The following RASEF variants were observed in gnomAD, a reference collection of about 807,000 sequenced individuals.
The protein encoded by RASEF is ras and EF-hand domain-containing protein.
A neutral mutation model predicts 90.1 loss-of-function variants in RASEF; 68 were observed. The ratio of observed to expected loss-of-function variants is 0.75; its 90% CI spans 0.62 to 0.92. RASEF has a LOEUF of 0.92. Ranked by LOEUF, RASEF falls within the 40% of genes least tolerant of loss-of-function variation. The pLI, the probability that RASEF is intolerant of heterozygous loss-of-function variation, is 0.00. For synonymous variants in RASEF, 331 were observed against 345.2 expected (o/e 0.96, Z 0.46); for missense variants, 949 against 937.2 (o/e 1.01, Z -0.16).
At chr9:83,039,272 TG>T (rs1829796372) in intron 1 of RASEF, among the ~76,000 whole-genome samples, 1 of 152,158 alleles carries the variant, frequency 6.6e-6, no homozygotes, top group African/African-American at 2.4e-5. Context: ...ATCTGAGTTC[TG>T]TGTATTGAGT....
chr9:83,054,529 C>T (rs1830068450), intron 1 of RASEF: 1 of 144,782 alleles, frequency 6.9e-6, no homozygotes, highest in South Asian at 2.2e-4. Context: ...TCGTCTGAAG[C>T]CTTCTTCTCT....
the RASEF span, among the ~76,000 whole-genome samples, chr9:83,151,953 G>A: frequency 7.5e-4 from 114 of 152,276 alleles, no homozygotes; most frequent in African/African-American, 2.7e-3. Context: ...CCCAAAACAC[G>A]GCGTCGCAAA....
In RASEF at chr9:83,062,902, G is replaced by A. The variant is rs1401535545; in HGVS notation, c.-35C>T. 1.4e-6 allele frequency: 2 copies of A among 1,405,952 alleles called. No homozygotes were observed. Among genetic ancestry groups the A allele is most frequent in the Non-Finnish European group, 1.8e-6 (2 of 1,092,630 alleles). The allele number at this position is 1,405,952 out of a possible 1,614,324, so 87.1% of individuals were successfully genotyped here. ...CGGGGGCGGCCGAGAGGGCTCCGGA[G>A]CGCCGCGGGGCGCAGGGCCCTCCCT... On this transcript the variant is annotated 5_prime_UTR_variant, in exon 1 of 17. Coordinates refer to ENST00000376447, the MANE Select transcript of RASEF (RefSeq NM_152573.4).
chr9:83,057,838 CATATAT>C (rs1830127620), intron 1 of RASEF, among the ~76,000 whole-genome samples: 1 of 84,206 alleles, frequency 1.2e-5, no homozygotes, highest in Non-Finnish European at 2.3e-5. Flanking sequence ...TACATATATT[CATATAT>C]ACATATATAT....
chr9:83,198,830 GA>G, the RASEF span, among the ~76,000 whole-genome samples: 120,710 of 150,784 alleles, frequency 0.8, 48,626 homozygotes, highest in East Asian at 0.96. Context: ...GTTATAAATA[GA>G]ATGGGGGGGA....
At chr9:83,206,973 C>T in the RASEF span, among the ~76,000 whole-genome samples, 2 of 152,118 alleles carry the variant, frequency 1.3e-5, no homozygotes, top group African/African-American at 4.8e-5. Flanking sequence ...TTCAGACCTG[C>T]CTTTCCCTCC....
chr9:83,127,116 C>T, the RASEF span, among the ~76,000 whole-genome samples: 1 of 152,150 alleles, frequency 6.6e-6, no homozygotes, highest in East Asian at 1.9e-4. Flanking sequence ...AATATATGGG[C>T]ATCTTTAATG....
chr9:83,015,247 G>A (rs1315317307), intron 4 of RASEF, among the ~76,000 whole-genome samples: 2 of 152,216 alleles, frequency 1.3e-5, no homozygotes, highest in African/African-American at 4.8e-5. Flanking sequence ...CAAGGGACTT[G>A]AGAGTACTAA....
the RASEF span, among the ~76,000 whole-genome samples, chr9:83,200,150 G>C: frequency 6.6e-6 from 1 of 152,150 alleles, no homozygotes; most frequent in East Asian, 1.9e-4. Context: ...GGAGGCCAAG[G>C]CTGGTGTGTT....
chr9:83,031,295 C>A (rs1006274503), intron 1 of RASEF, among the ~76,000 whole-genome samples: 1 of 152,060 alleles, frequency 6.6e-6, no homozygotes, highest in African/African-American at 2.4e-5. Context: ...CATTTATGAG[C>A]GGGTAAGTCT....
the RASEF span, among the ~76,000 whole-genome samples, chr9:83,079,670 G>A: frequency 6.6e-6 from 1 of 151,872 alleles, no homozygotes; most frequent in Non-Finnish European, 1.5e-5. Context: ...GCGATATGAT[G>A]ATTAAAAAAA....
At chr9:83,126,204 TAG>T in the RASEF span, among the ~76,000 whole-genome samples, 1 of 151,914 alleles carries the variant, frequency 6.6e-6, no homozygotes, top group Non-Finnish European at 1.5e-5. Flanking sequence ...TACTAGGAGG[TAG>T]AGTTTTTCGG....
intron 1 of RASEF, among the ~76,000 whole-genome samples, chr9:83,034,519 G>A (rs764059770): frequency 1.6e-4 from 24 of 152,114 alleles, no homozygotes; most frequent in Non-Finnish European, 3.4e-4. Context: ...AAATTCCCTG[G>A]AAGATGAGAG....
chr9:83,098,789 G>C, the RASEF span, among the ~76,000 whole-genome samples: 1 of 152,110 alleles, frequency 6.6e-6, no homozygotes, highest in African/African-American at 2.4e-5. Flanking sequence ...GATCTTGTGA[G>C]TCTTATTTGC....
intron 1 of RASEF, among the ~76,000 whole-genome samples, chr9:83,032,950 G>A (rs138753648): frequency 3.4e-4 from 51 of 152,130 alleles, no homozygotes; most frequent in African/African-American, 1.2e-3. Context: ...GACATCTCTG[G>A]GAACCAGTTA....
At chr9:83,132,980 G>A in the RASEF span, among the ~76,000 whole-genome samples, 1 of 152,190 alleles carries the variant, frequency 6.6e-6, no homozygotes, top group Non-Finnish European at 1.5e-5. Context: ...AACTCTGAAT[G>A]CCACTCACTA....
At chr9:83,058,119 T>A (rs929455535) in intron 1 of RASEF, among the ~76,000 whole-genome samples, 6 of 145,058 alleles carry the variant, frequency 4.1e-5, no homozygotes, top group Admixed American at 2.1e-4. Flanking sequence ...CCTCTGCCAC[T>A]CTATCTCTGG....
the RASEF span, among the ~76,000 whole-genome samples, chr9:83,104,936 C>G: frequency 6.6e-6 from 1 of 152,106 alleles, no homozygotes; most frequent in Admixed American, 6.5e-5. Context: ...ATTTTACATC[C>G]CTTCTACACT....
intron 1 of RASEF, among the ~76,000 whole-genome samples, chr9:83,052,890 T>G (rs1262006204): frequency 6.7e-6 from 1 of 148,910 alleles, no homozygotes; most frequent in Non-Finnish European, 1.5e-5. Flanking sequence ...CTAGTTTGAT[T>G]GCACTGTGGT....
Sources: allele counts gnomAD v4.1 joint callset (sites outside exome capture counted in the v4.1 genomes callset), GRCh38; gene constraint gnomAD v4.1.1; transcripts MANE v1.5; gene names NCBI Gene and HGNC (gene_info 2026-07-23, HGNC 2026-07-21).